Variants in IFI35 observed in about 807,000 individuals in gnomAD.
IFI35 encodes the protein interferon induced protein 35, also known as interferon-induced 35 kDa protein.
IFI35 carries 30 observed loss-of-function variants against 28.6 expected under a neutral mutation model. The observed-to-expected ratio is 1.05, with a 90% CI of 0.79 to 1.43. The LOEUF (loss-of-function observed/expected upper bound fraction) is 1.43. Ranked by LOEUF, IFI35 falls within the 40% of genes most tolerant of loss-of-function variation. IFI35 has a pLI of 0.00. For missense variants in IFI35, 372 were observed against 356.9 expected, an observed-to-expected ratio of 1.04 and a Z score of -0.34; for synonymous variants, 146 against 154.8, an observed-to-expected ratio of 0.94 and a Z score of 0.42.
In IFI35 at chr17:43,013,568, G is replaced by T. The variant is rs747405142; in HGVS notation, c.468G>T (p.Glu156Asp). The change falls in exon 5 of 7, where the codon GAG becomes GAT. Residue 156 changes from glutamate (E) to aspartate (D), a missense_variant. Transcript: ENST00000415816. Reference protein sequence around the residue: ...LSEEELLDKLEIFFGKTRNGG... With the variant: ...LSEEELLDKLDIFFGKTRNGG... Reference sequence around the variant, plus strand: ...AGGAGGAGCTGCTGGACAAGCTAGAGATCTTCTTTGGCAAGACTAGGAACG... The same window carrying T: ...AGGAGGAGCTGCTGGACAAGCTAGATATCTTCTTTGGCAAGACTAGGAACG... 1.2e-6 allele frequency: 2 copies of T among 1,614,184 alleles called. No homozygotes were observed. The highest frequency in any genetic ancestry group is 4.5e-5 in the East Asian group (2 of 44,882).
rs372988246 is a variant in IFI35, at chr17:43,006,899, C to T, written c.-49C>T. ...AGTTCAGTTGCTGTGAATTCTGCCA[C>T]TGTGCCCAGCTCTGAAGCCTCAGCT... On this transcript the variant is annotated 5_prime_UTR_variant, in exon 1 of 7. Transcript: ENST00000415816. The T allele has an allele frequency of 2.5e-4, 398 of 1,610,950 alleles. No homozygotes were observed. Among genetic ancestry groups the T allele is most frequent in the Non-Finnish European group, 3.2e-4 (381 of 1,177,224 alleles).
In IFI35 at chr17:43,013,581, A is replaced by G; in HGVS notation, c.481A>G (p.Lys161Glu). Residue 161 changes from lysine (K) to glutamate (E), a missense_variant, in exon 5 of 7, where the codon AAG (lysine) becomes GAG (glutamate). Physicochemically the swap from Lys to Glu is moderately conservative, Grantham distance 56. Coordinates refer to ENST00000415816, the MANE Select transcript of IFI35 (RefSeq NM_001330230.2). ...LLDKLEIFFG[K>E]TRNGGGDVDV... Reference sequence around the variant, plus strand: ...GGACAAGCTAGAGATCTTCTTTGGCAAGACTAGGAACGGAGGTGGCGATGT... The same window carrying G: ...GGACAAGCTAGAGATCTTCTTTGGCGAGACTAGGAACGGAGGTGGCGATGT... 1 of 1,614,126 alleles carries G rather than the reference A, an allele frequency of 6.2e-7. No homozygotes were observed. Among genetic ancestry groups the G allele is most frequent in the Non-Finnish European group, 8.5e-7 (1 of 1,179,994 alleles).
Position 43,006,975 on chromosome 17 carries a change from G to C in IFI35, c.21+7G>C. On this transcript the variant is annotated splice_region_variant and intron_variant, in intron 1 of 6. Coordinates refer to ENST00000415816, the MANE Select transcript of IFI35 (RefSeq NM_001330230.2). ...GTCAGCCCCACTGGATGCCGTAAGT[G>C]AGGAGGAGGGAGTTGGGAAGTGGGG... 1.2e-6 allele frequency: 2 copies of C among 1,613,870 alleles called. No homozygotes were observed. The highest frequency in any genetic ancestry group is 4.5e-5 in the East Asian group (2 of 44,876).
chr17:43,012,389 C>A (rs536740116), intron 2 of IFI35, 112 bp downstream of exon 2: 2 of 654,550 alleles, frequency 3.1e-6, no homozygotes, highest in South Asian at 3.9e-5. Flanking sequence ...CTGATCACCT[C>A]AGGTCAGGAG....
At chr17:43,009,591 A>G (rs1026136076) in intron 1 of IFI35, among the ~76,000 whole-genome samples, 1 of 151,892 alleles carries the variant, frequency 6.6e-6, no homozygotes, top group Non-Finnish European at 1.5e-5. Context: ...CATCTCTACT[A>G]AAAATACAAA....
At chr17:43,010,671 T>G (rs2151968518) in intron 1 of IFI35, among the ~76,000 whole-genome samples, 1 of 152,382 alleles carries the variant, frequency 6.6e-6, no homozygotes, top group African/African-American at 2.4e-5. Context: ...AGTATTCTTC[T>G]GCTAAAAATA....
intron 1 of IFI35, among the ~76,000 whole-genome samples, chr17:43,011,386 G>A (rs917361010): frequency 3.9e-5 from 6 of 152,108 alleles, no homozygotes; most frequent in East Asian, 3.9e-4. Flanking sequence ...AGGTGTGGTG[G>A]TGGGTGCCTG....
chr17:43,013,776 T>A lies in IFI35; in HGVS notation c.563T>A (p.Val188Glu), dbSNP rs2050490702. The change falls in exon 6 of 7, where the codon GTG becomes GAG. Residue 188 changes from valine to glutamate, a missense_variant and splice_region_variant. Val to Glu is a moderately radical substitution (Grantham distance 121). Coordinates refer to ENST00000415816, the MANE Select transcript of IFI35 (RefSeq NM_001330230.2). Reference protein sequence around the residue: ...SVMLGFARDGVAQRLCQIGQF... With the variant: ...SVMLGFARDGEAQRLCQIGQF... ...GCCCACCCCTCCTTGCTCCCCACAG[T>A]GGCTCAGCGTCTGTGCCAAATCGGC... 1 of 1,613,258 alleles carries A rather than the reference T, an allele frequency of 6.2e-7. No individual in the cohort carries two copies. The highest frequency in any genetic ancestry group is 8.5e-7 in the Non-Finnish European group (1 of 1,179,626).
rs2050410985 is a variant in IFI35 at position 43,006,803 on chromosome 17, G to A, written c.-145G>A. On this transcript the variant is annotated 5_prime_UTR_variant, in exon 1 of 7. Coordinates refer to ENST00000415816, the MANE Select transcript of IFI35 (RefSeq NM_001330230.2). ...TGGAAGCAAACAGCCTGCGAGCAGA[G>A]CCTCCTGAGGTGTATTTCGGGTCTT... 2.0e-5 allele frequency: 15 copies of A among 754,680 alleles called. No homozygotes were observed. Among genetic ancestry groups the A allele is most frequent in the Non-Finnish European group, 3.3e-5 (14 of 427,352 alleles). 46.7% of individuals were successfully genotyped at this position (754,680 alleles called of 1,614,324 possible). A position where few individuals can be genotyped will look rare whatever the true frequency, so the allele number is the denominator to read the frequency against.
chr17:43,010,776 C>T (rs916912511), intron 1 of IFI35, among the ~76,000 whole-genome samples: 2 of 152,174 alleles, frequency 1.3e-5, no homozygotes, highest in African/African-American at 4.8e-5. Flanking sequence ...ACAGTTTTAC[C>T]GGACACATAT....
In IFI35 at chr17:43,014,135, G is replaced by T; in HGVS notation, c.697G>T (p.Val233Leu). The T allele has an allele frequency of 6.2e-7, 1 of 1,614,024 alleles. No individual in the cohort carries two copies. The highest frequency in any genetic ancestry group is 8.5e-7 in the Non-Finnish European group (1 of 1,179,992). ...EIRSQPVPRS[V>L]LVLNIPDILD... ...CAGGTCGCAGCCAGTTCCCCGCTCG[G>T]TACTGGTGCTCAACATTCCTGATAT... The change falls in exon 7 of 7, where the codon GTA (valine) becomes TTA (leucine). Residue 233 changes from valine to leucine, a missense_variant. Physicochemically the swap from Val to Leu is conservative, Grantham distance 32. Coordinates refer to ENST00000415816, the MANE Select transcript of IFI35 (RefSeq NM_001330230.2).
intron 6 of IFI35, 54 bp from the exon 7 acceptor site, chr17:43,014,054 C>T: frequency 6.4e-7 from 1 of 1,562,036 alleles, no homozygotes; most frequent in Non-Finnish European, 8.8e-7. Flanking sequence ...GCCCTACCCC[C>T]AGCCCCCAGC....
At chr17:43,007,757 C>T (rs1486648764) in intron 1 of IFI35, among the ~76,000 whole-genome samples, 1 of 148,976 alleles carries the variant, frequency 6.7e-6, no homozygotes, top group Non-Finnish European at 1.5e-5. Flanking sequence ...ACCTGGGAGG[C>T]AGAGGTTGCA....
At chr17:43,012,015 AG>A (rs1331390447) in intron 1 of IFI35, 163 bp from the exon 2 acceptor site, 26 of 451,260 alleles carry the variant, frequency 5.8e-5, no homozygotes, top group African/African-American at 1.0e-4. Flanking sequence ...CCCTGGGTGG[AG>A]GGGGCCAAGA....
chr17:43,006,922 G>C lies in IFI35; in HGVS notation c.-26G>C. On this transcript the variant is annotated 5_prime_UTR_variant, in exon 1 of 7. Coordinates refer to ENST00000415816, the MANE Select transcript of IFI35 (RefSeq NM_001330230.2). ...CACTGTGCCCAGCTCTGAAGCCTCA[G>C]CTCTTGCCAAACAGACCCGAGACCC... 2 of 1,614,060 alleles carry C rather than the reference G, an allele frequency of 1.2e-6. No homozygotes were observed. The highest frequency in any genetic ancestry group is 1.7e-6 in the Non-Finnish European group (2 of 1,179,914).
Position 43,006,921 on chromosome 17 carries a change from A to G in IFI35, c.-27A>G. ...CCACTGTGCCCAGCTCTGAAGCCTCAGCTCTTGCCAAACAGACCCGAGACC... is the reference window on the plus strand; with the variant it reads ...CCACTGTGCCCAGCTCTGAAGCCTCGGCTCTTGCCAAACAGACCCGAGACC... On this transcript the variant is annotated 5_prime_UTR_variant, in exon 1 of 7. Coordinates refer to ENST00000415816, the MANE Select transcript of IFI35 (RefSeq NM_001330230.2). 4 of 1,613,884 alleles carry G rather than the reference A, an allele frequency of 2.5e-6. No homozygotes were observed. The highest frequency in any genetic ancestry group is 3.4e-6 in the Non-Finnish European group (4 of 1,179,774).
Position 43,013,384 on chromosome 17 carries a change from G to C in IFI35, c.375+11G>C. ...GTCACCACCATCCAGGTGATGGTAT[G>C]ACAGAATCCTGGGGCATGCAAAGCA... is the stretch of plus-strand genomic sequence containing the variant. On this transcript the variant is annotated intron_variant, in intron 4 of 6. Coordinates refer to ENST00000415816, the MANE Select transcript of IFI35 (RefSeq NM_001330230.2). The C allele has an allele frequency of 6.2e-7, 1 of 1,613,580 alleles. No individual in the cohort carries two copies. Among genetic ancestry groups the C allele is most frequent in the Non-Finnish European group, 8.5e-7 (1 of 1,179,580 alleles).
chr17:43,007,964 T>C (rs1419164435), intron 1 of IFI35, among the ~76,000 whole-genome samples: 1 of 150,068 alleles, frequency 6.7e-6, no homozygotes, highest in Admixed American at 6.6e-5. Flanking sequence ...TACAGAGCAT[T>C]CAATATGTGT....
At position 43,013,405 on chromosome 17, in the gene IFI35, A is replaced by G. The variant is rs752469643; in HGVS notation, c.375+32A>G. On this transcript the variant is annotated intron_variant, in intron 4 of 6. Transcript: ENST00000415816. ...GTATGACAGAATCCTGGGGCATGCA[A>G]AGCATGCCATGCACCTGGGCATGGG... 1.5e-4 allele frequency: 234 copies of G among 1,609,206 alleles called. 3 individuals carry two copies. The Admixed American group carries it at 3.9e-3, about 27-fold the overall frequency.
Sources: gnomAD v4.1 joint callset for allele counts (sites outside exome capture counted in the v4.1 genomes callset) on GRCh38, gnomAD v4.1.1 for gene constraint, MANE v1.5 for transcripts, NCBI Gene and HGNC (gene_info 2026-07-23, HGNC 2026-07-21) for gene names.